The following CYP2J2 variants were observed in gnomAD, a reference collection of about 807,000 sequenced individuals.
CYP2J2 encodes the protein cytochrome P450 2J2.
A neutral mutation model predicts 48.8 loss-of-function variants in CYP2J2; 41 were observed. That is an observed-to-expected ratio of 0.84 (90% CI 0.66 to 1.09). The LOEUF (loss-of-function observed/expected upper bound fraction) is 1.09. CYP2J2 is among the 50% of genes least tolerant of loss of function. CYP2J2 has a pLI of 0.00. For synonymous variants in CYP2J2, 221 were observed against 227.1 expected, an observed-to-expected ratio of 0.97 and a Z score of 0.24; for missense variants, 644 against 617.3, an observed-to-expected ratio of 1.04 and a Z score of -0.46.
In CYP2J2 at chr1:59,926,644, G is replaced by T; in HGVS notation, c.103C>A (p.Leu35Ile). The T allele has an allele frequency of 6.2e-7, 1 of 1,614,226 alleles. No individual in the cohort carries two copies. The highest frequency in any genetic ancestry group is 1.1e-5 in the South Asian group (1 of 91,090). ...TVAFLLAADF[L>I]KRRRPKNYPP... ...TAGTTCTTTGGGCGCCGTCTTTTGA[G>T]AAAGTCAGCAGCGAGCAGAAAGGCG... The change falls in exon 1 of 9, where the codon CTC (leucine) becomes ATC (isoleucine). Residue 35 changes from leucine (L) to isoleucine (I), a missense_variant. Transcript: ENST00000371204.
chr1:59,917,745 A>G (rs11572235), intron 1 of CYP2J2, among the ~76,000 whole-genome samples: 11,373 of 152,256 alleles, frequency 0.075, 445 homozygotes, highest in African/African-American at 0.11. Context: ...TTCCTAATGT[A>G]TCTGTTCAAC....
intron 5 of CYP2J2, among the ~76,000 whole-genome samples, chr1:59,908,285 T>C (rs1644382195): frequency 1.3e-5 from 2 of 152,224 alleles, no homozygotes; most frequent in Admixed American, 1.3e-4. Flanking sequence ...GGCAAGTCAC[T>C]TAACCTCTCT....
At chr1:59,905,614 C>CTAT (rs1644358257) in intron 6 of CYP2J2, among the ~76,000 whole-genome samples, 1 of 152,142 alleles carries the variant, frequency 6.6e-6, no homozygotes, top group African/African-American at 2.4e-5. Context: ...GAGGTAAGAC[C>CTAT]CATCAGGTTG....
the CYP2J2 span, among the ~76,000 whole-genome samples, chr1:59,959,212 A>T: frequency 6.6e-6 from 1 of 152,172 alleles, no homozygotes; most frequent in Non-Finnish European, 1.5e-5. Flanking sequence ...GAAAAAGAAC[A>T]TCTCTTAACT....
chr1:59,939,487 A>G, the CYP2J2 span, among the ~76,000 whole-genome samples: 1 of 152,182 alleles, frequency 6.6e-6, no homozygotes, highest in Non-Finnish European at 1.5e-5. Context: ...GTGGAGTGAC[A>G]AAAACACCCC....
At chr1:59,894,481 G>T (rs1644252032) in intron 8 of CYP2J2, among the ~76,000 whole-genome samples, 1 of 152,108 alleles carries the variant, frequency 6.6e-6, no homozygotes, top group Non-Finnish European at 1.5e-5. Context: ...ACCTAGCATT[G>T]CCCTGACCTT....
At chr1:59,948,202 T>C in the CYP2J2 span, among the ~76,000 whole-genome samples, 1 of 152,200 alleles carries the variant, frequency 6.6e-6, no homozygotes, top group Non-Finnish European at 1.5e-5. Context: ...GGCACCCTTA[T>C]TTCCCACCTT....
chr1:59,958,324 G>C, the CYP2J2 span, among the ~76,000 whole-genome samples: 1 of 152,174 alleles, frequency 6.6e-6, no homozygotes, highest in Admixed American at 6.5e-5. Context: ...GGAATTCACA[G>C]TTTATTATCA....
At chr1:59,955,269 T>TCC in the CYP2J2 span, among the ~76,000 whole-genome samples, 1 of 104,852 alleles carries the variant, frequency 9.5e-6, no homozygotes. Context: ...TATATCCATA[T>TCC]ATATATATCC....
At chr1:59,963,580 T>A in the CYP2J2 span, among the ~76,000 whole-genome samples, 2 of 152,186 alleles carry the variant, frequency 1.3e-5, no homozygotes, top group African/African-American at 4.8e-5. Context: ...GTTGGTCCAT[T>A]TATCTATTGA....
chr1:59,937,284 A>G, the CYP2J2 span, among the ~76,000 whole-genome samples: 4 of 152,220 alleles, frequency 2.6e-5, no homozygotes, highest in Non-Finnish European at 5.9e-5. Context: ...TGATCTGAAA[A>G]TTGTCTTCAT....
intron 1 of CYP2J2, among the ~76,000 whole-genome samples, chr1:59,921,216 A>T (rs1161480577): frequency 6.6e-6 from 1 of 152,248 alleles, no homozygotes; most frequent in Admixed American, 6.5e-5. Context: ...CATGTCATGA[A>T]AAGTCAGGCA....
chr1:59,894,020 C>A (rs901322705), intron 8 of CYP2J2, among the ~76,000 whole-genome samples, 191 bp from the exon 9 acceptor site: 3 of 152,066 alleles, frequency 2.0e-5, no homozygotes, highest in Admixed American at 6.6e-5. Context: ...AAGCAGAAGT[C>A]CAGGAACACG....
chr1:59,939,419 G>A, the CYP2J2 span, among the ~76,000 whole-genome samples: 4 of 152,110 alleles, frequency 2.6e-5, no homozygotes, highest in Non-Finnish European at 5.9e-5. Context: ...TCTGCTCTTA[G>A]TTTCTCTCAA....
At chr1:59,939,627 G>A in the CYP2J2 span, among the ~76,000 whole-genome samples, 1 of 152,176 alleles carries the variant, frequency 6.6e-6, no homozygotes, top group African/African-American at 2.4e-5. Context: ...GGCTGTAGAT[G>A]TCAAAGCCAG....
intron 3 of CYP2J2, 95 bp downstream of exon 3, chr1:59,912,067 G>A: frequency 1.5e-6 from 2 of 1,330,726 alleles, no homozygotes; most frequent in Non-Finnish European, 2.0e-6. Context: ...CTAGCACAGT[G>A]CTGGGCATAG....
Position 59,907,827 on chromosome 1 carries a change from C to G in CYP2J2, c.962G>C (p.Arg321Pro). The G allele has an allele frequency of 3.1e-6, 5 of 1,614,020 alleles. No individual in the cohort carries two copies. The highest frequency in any genetic ancestry group is 4.2e-6 in the Non-Finnish European group (5 of 1,179,976). ...AGTETTSTTL[R>P]WALLYMALYP... is the part of the protein sequence containing the mutation. ...GAGGGCCATATAAAGCAGAGCCCAT[C>G]GCAGAGTTGTGGAAGTTGTCTCGGT... Residue 321 changes from arginine to proline, a missense_variant, in exon 6 of 9, where the codon CGA becomes CCA. Physicochemically the swap from Arg to Pro is moderately radical, Grantham distance 103. Coordinates refer to ENST00000371204, the MANE Select transcript of CYP2J2 (RefSeq NM_000775.4).
chr1:59,932,067 G>A, the CYP2J2 span, among the ~76,000 whole-genome samples: 1 of 152,010 alleles, frequency 6.6e-6, no homozygotes, highest in African/African-American at 2.4e-5. Context: ...TAACTTTTAT[G>A]TTTGCTTAGG....
chr1:59,919,905 C>T (rs910592937), intron 1 of CYP2J2, among the ~76,000 whole-genome samples: 14 of 152,084 alleles, frequency 9.2e-5, no homozygotes, highest in African/African-American at 3.1e-4. Flanking sequence ...CAGGCACCTT[C>T]TGGCACTGGC....
Sources: gnomAD v4.1 joint callset for allele counts (sites outside exome capture counted in the v4.1 genomes callset) on GRCh38, gnomAD v4.1.1 for gene constraint, MANE v1.5 for transcripts, NCBI Gene and HGNC (gene_info 2026-07-23, HGNC 2026-07-21) for gene names.